TIMM23B: variants seen among roughly 807,000 people sequenced by gnomAD.
The protein encoded by TIMM23B is translocase of inner mitochondrial membrane 23 homolog B.
Under a neutral mutation model 27.3 loss-of-function variants are expected in TIMM23B, and 27 were observed. That is an observed-to-expected ratio of 0.99 (90% CI 0.73 to 1.36). The LOEUF is 1.36. TIMM23B is among the 40% of genes most tolerant of loss of function. TIMM23B has a pLI of 0.00. For synonymous variants in TIMM23B, 73 were observed against 92.4 expected (o/e 0.79, Z 1.21); for missense variants, 205 against 244.2 (o/e 0.84, Z 1.07).
intron 1 of TIMM23B, among the ~76,000 whole-genome samples, chr10:49,942,570 G>C (rs1190284191): frequency 7.2e-4 from 110 of 152,174 alleles, no homozygotes; most frequent in African/African-American, 2.4e-3. Context: ...TCCAAGCCTC[G>C]TACGTTTTGT....
At chr10:49,955,782 C>A (rs1339107618) in intron 5 of TIMM23B, among the ~76,000 whole-genome samples, 18 of 152,288 alleles carry the variant, frequency 1.2e-4, no homozygotes, top group African/African-American at 4.3e-4. Context: ...TTTGTTATGG[C>A]AGAGTAAGGT....
intron 6 of TIMM23B, among the ~76,000 whole-genome samples, chr10:49,971,905 A>G (rs1312232396): frequency 6.6e-6 from 1 of 152,164 alleles, no homozygotes; most frequent in Admixed American, 6.5e-5. Flanking sequence ...TATAGCTGAA[A>G]AGGTATGAAC....
At chr10:49,949,809 C>T (rs1432329158) in intron 2 of TIMM23B, among the ~76,000 whole-genome samples, 1 of 150,506 alleles carries the variant, frequency 6.6e-6, no homozygotes, top group Non-Finnish European at 1.5e-5. Flanking sequence ...AAAATAGTAC[C>T]TGTCAACTCA....
intron 6 of TIMM23B, among the ~76,000 whole-genome samples, chr10:49,962,207 CT>C (rs879018940): frequency 0.21 from 29,796 of 143,008 alleles, 3,699 homozygotes; most frequent in East Asian, 0.33. Flanking sequence ...CTTTTTTTTG[CT>C]TTTTTTTTTT....
At chr10:49,942,986 G>C (rs1391222107) in intron 1 of TIMM23B, among the ~76,000 whole-genome samples, 9 of 152,192 alleles carry the variant, frequency 5.9e-5, no homozygotes, top group Non-Finnish European at 1.0e-4. Flanking sequence ...TAGATAAATA[G>C]AACTTGGACC....
At chr10:49,966,677 T>C (rs539900429) in intron 6 of TIMM23B, among the ~76,000 whole-genome samples, 42 of 152,090 alleles carry the variant, frequency 2.8e-4, no homozygotes, top group Non-Finnish European at 5.0e-4. Flanking sequence ...ATAAAAAAAC[T>C]AGCCGGGCAT....
intron 1 of TIMM23B, among the ~76,000 whole-genome samples, chr10:49,944,405 A>G: frequency 6.6e-6 from 1 of 152,116 alleles, no homozygotes; most frequent in Non-Finnish European, 1.5e-5. Flanking sequence ...ATAACTGCTG[A>G]GATACAGAAG....
At chr10:49,961,543 G>T (rs1453409828) in intron 6 of TIMM23B, among the ~76,000 whole-genome samples, 1 of 151,842 alleles carries the variant, frequency 6.6e-6, no homozygotes, top group African/African-American at 2.4e-5. Context: ...CCTCACCACT[G>T]CCCCCATCTG....
In TIMM23B at chr10:49,969,838, C is replaced by T. The variant is rs569681931; in HGVS notation, c.515-3174C>T. Among the ~76,000 whole-genome samples the T allele has an allele frequency of 3.3e-5, 5 of 151,652 alleles. No homozygotes were observed. The East Asian group carries it at 5.8e-4, about 18-fold the overall frequency. Reference sequence around the variant, plus strand: ...TCTTTCCATGGTCTCCCTCTGATGCCGAGCCGAAGCTGGACTGTACTGCTG... The same window carrying T: ...TCTTTCCATGGTCTCCCTCTGATGCTGAGCCGAAGCTGGACTGTACTGCTG... On this transcript the variant is annotated intron_variant, in intron 6 of 6. Coordinates refer to ENST00000651259, the MANE Select transcript of TIMM23B (RefSeq NM_001290117.2).
chr10:49,956,594 C>A (rs1839734081), intron 5 of TIMM23B, among the ~76,000 whole-genome samples: 1 of 146,654 alleles, frequency 6.8e-6, no homozygotes, highest in African/African-American at 2.4e-5. Context: ...CTTCTGAATT[C>A]TTCCAGGCGT....
At chr10:49,969,278 A>G (rs1433390105) in intron 6 of TIMM23B, among the ~76,000 whole-genome samples, 1 of 152,090 alleles carries the variant, frequency 6.6e-6, no homozygotes, top group African/African-American at 2.4e-5. Flanking sequence ...AACCCTGTCT[A>G]TACAAAAAAT....
At chr10:49,952,102 T>G in intron 2 of TIMM23B, 24 bp from the exon 3 acceptor site, 3 of 1,539,916 alleles carry the variant, frequency 1.9e-6, no homozygotes, top group Non-Finnish European at 1.8e-6. Flanking sequence ...ACACTCAGCT[T>G]GGTTTTCATT....
intron 2 of TIMM23B, among the ~76,000 whole-genome samples, chr10:49,950,428 A>G (rs1238211211): frequency 6.6e-6 from 1 of 151,196 alleles, no homozygotes; most frequent in Non-Finnish European, 1.5e-5. Flanking sequence ...GTTTGCTTGC[A>G]ACCCTTGTTA....
intron 2 of TIMM23B, among the ~76,000 whole-genome samples, chr10:49,947,998 A>C (rs1376624641): frequency 2.0e-5 from 3 of 152,246 alleles, no homozygotes. Flanking sequence ...GTATCTGATA[A>C]GGAATTTATA....
At chr10:49,952,343 C>G (rs1294205160) in intron 3 of TIMM23B, 106 bp from the exon 4 acceptor site, 1 of 1,454,966 alleles carries the variant, frequency 6.9e-7, no homozygotes, top group Non-Finnish European at 9.3e-7. Flanking sequence ...TTGTCTTTTT[C>G]TATTAAATAA....
rs1185834516 is a variant in TIMM23B at position 49,951,435 on chromosome 10, G to GT, written c.166-684dup. ...CCAACATGGTGATAAAATTTTGTGT[G>GT]TTTTTTTGAGTGTGTTTTTCATAAA... On this transcript the variant is annotated intron_variant, in intron 2 of 6. Transcript: ENST00000651259. Among the ~76,000 whole-genome samples, 419 of 151,622 alleles carry GT rather than the reference G, an allele frequency of 2.8e-3. 1 individual carries two copies. The highest frequency in any genetic ancestry group is 4.5e-3 in the Non-Finnish European group (305 of 67,888).
At chr10:49,946,154 C>T (rs1839350310) in intron 2 of TIMM23B, among the ~76,000 whole-genome samples, 1 of 150,056 alleles carries the variant, frequency 6.7e-6, no homozygotes, top group Non-Finnish European at 1.5e-5. Context: ...CACCCCACTA[C>T]ACTCCAGCCT....
At chr10:49,966,440 A>G (rs1277210835) in intron 6 of TIMM23B, among the ~76,000 whole-genome samples, 501 of 151,508 alleles carry the variant, frequency 3.3e-3, no homozygotes, top group East Asian at 0.014. Flanking sequence ...AAGAAATGAA[A>G]TAATGAAATG....
intron 6 of TIMM23B, among the ~76,000 whole-genome samples, chr10:49,966,671 A>T (rs1192310047): frequency 6.6e-6 from 1 of 152,074 alleles, no homozygotes; most frequent in Non-Finnish European, 1.5e-5. Context: ...ACTAAAATAA[A>T]AAAACTAGCC....
Sources: allele counts gnomAD v4.1 joint callset (sites outside exome capture counted in the v4.1 genomes callset), GRCh38; gene constraint gnomAD v4.1.1; transcripts MANE v1.5; gene names NCBI Gene and HGNC (gene_info 2026-07-23, HGNC 2026-07-21).